Variants in ATRNL1 observed in about 807,000 individuals in gnomAD.
ATRNL1 encodes the protein attractin like 1.
A neutral mutation model predicts 182.7 loss-of-function variants in ATRNL1; 95 were observed. That is an observed-to-expected ratio of 0.52 (90% CI 0.44 to 0.62). The LOEUF is 0.62. Among genes scored for constraint, ATRNL1 ranks in the 20% least tolerant of loss-of-function variants. The pLI, the probability that ATRNL1 is intolerant of heterozygous loss-of-function variation, is 0.00. For missense variants in ATRNL1, 1,471 were observed against 1,679.5 expected, an observed-to-expected ratio of 0.88 and a Z score of 2.17; for synonymous variants, 576 against 568.3, an observed-to-expected ratio of 1.01 and a Z score of -0.19.
chr10:115,137,449 A>G (rs902009658), intron 5 of ATRNL1, among the ~76,000 whole-genome samples: 2 of 152,190 alleles, frequency 1.3e-5, no homozygotes, highest in Admixed American at 1.3e-4. Context: ...TATGCTGTTG[A>G]TAAAGACATA....
chr10:115,729,205 A>G (rs1555061769), intron 27 of ATRNL1, among the ~76,000 whole-genome samples: 1 of 152,134 alleles, frequency 6.6e-6, no homozygotes, highest in African/African-American at 2.4e-5. Flanking sequence ...TAATCATCAT[A>G]TCTTCATGTT....
intron 21 of ATRNL1, among the ~76,000 whole-genome samples, chr10:115,456,538 A>G (rs1485458823): frequency 1.3e-5 from 2 of 152,142 alleles, no homozygotes; most frequent in Non-Finnish European, 2.9e-5. Context: ...AATACAGATG[A>G]CAGGTTGATG....
intron 27 of ATRNL1, among the ~76,000 whole-genome samples, chr10:115,743,453 C>T (rs1329189642): frequency 2.0e-5 from 3 of 150,616 alleles, no homozygotes; most frequent in East Asian, 1.9e-4. Context: ...TCTTAAAGTT[C>T]GAAACAAAAG....
chr10:115,713,153 G>A (rs1947114916), intron 26 of ATRNL1, among the ~76,000 whole-genome samples: 1 of 152,110 alleles, frequency 6.6e-6, no homozygotes, highest in Non-Finnish European at 1.5e-5. Flanking sequence ...CCAATTCAGA[G>A]ACAATCTAAG....
At chr10:115,317,032 G>A (rs1854333124) in intron 18 of ATRNL1, among the ~76,000 whole-genome samples, 1 of 152,006 alleles carries the variant, frequency 6.6e-6, no homozygotes, top group Admixed American at 6.6e-5. Flanking sequence ...TTCTTCTAGG[G>A]TTTTTTATGG....
At chr10:115,357,984 C>T (rs1020967047) in intron 19 of ATRNL1, among the ~76,000 whole-genome samples, 8 of 151,554 alleles carry the variant, frequency 5.3e-5, no homozygotes, top group Non-Finnish European at 8.9e-5. Flanking sequence ...TTCCCTCTGC[C>T]AGTATATTCA....
intron 26 of ATRNL1, among the ~76,000 whole-genome samples, chr10:115,723,552 ATTTAT>A (rs1947499914): frequency 2.0e-5 from 3 of 151,084 alleles, no homozygotes; most frequent in African/African-American, 7.3e-5. Flanking sequence ...TTATTTATTT[ATTTAT>A]TTATTTTTGA....
chr10:115,413,555 GT>G (rs1484590272), intron 20 of ATRNL1, among the ~76,000 whole-genome samples: 2 of 151,966 alleles, frequency 1.3e-5, no homozygotes, highest in African/African-American at 2.4e-5. Flanking sequence ...ATGAATTCCT[GT>G]TTTTTTCCCA....
intron 26 of ATRNL1, among the ~76,000 whole-genome samples, chr10:115,713,307 G>A (rs1947120014): frequency 6.6e-6 from 1 of 152,034 alleles, no homozygotes; most frequent in Non-Finnish European, 1.5e-5. Context: ...ATACTTTCTA[G>A]ATGCTGAGAT....
At chr10:115,559,916 G>T (rs1565165654) in intron 26 of ATRNL1, among the ~76,000 whole-genome samples, 1 of 152,118 alleles carries the variant, frequency 6.6e-6, no homozygotes, top group Non-Finnish European at 1.5e-5. Context: ...TGACATAAGA[G>T]CCATCTAGAT....
intron 2 of ATRNL1, 118 bp downstream of exon 2, chr10:115,120,386 A>G (rs1844674401): frequency 3.9e-6 from 2 of 514,954 alleles, no homozygotes; most frequent in South Asian, 7.9e-5. Flanking sequence ...TTATTATTAG[A>G]TAATATTTAC....
chr10:115,792,127 T>A (rs184441235), intron 27 of ATRNL1, among the ~76,000 whole-genome samples: 6 of 152,272 alleles, frequency 3.9e-5, no homozygotes, highest in African/African-American at 1.4e-4. Flanking sequence ...CTCAATCATT[T>A]CATATACAAT....
In ATRNL1 at chr10:115,450,110, T is replaced by A. The variant is rs186779023; in HGVS notation, c.3323-11831T>A. On this transcript the variant is annotated intron_variant, in intron 21 of 28. Coordinates refer to ENST00000355044, the MANE Select transcript of ATRNL1 (RefSeq NM_207303.4). ...CTTTCTATAATTAAAAACTATAACT[T>A]AGGTATTAAAGGAACATACCTCAAA... Among the ~76,000 whole-genome samples the A allele has an allele frequency of 5.9e-5, 9 of 152,120 alleles. No individual in the cohort carries two copies. In the East Asian group the frequency reaches 1.7e-3, roughly 29 times the overall value.
chr10:115,747,405 T>G (rs1948323298), intron 27 of ATRNL1, among the ~76,000 whole-genome samples: 1 of 152,108 alleles, frequency 6.6e-6, no homozygotes, highest in Non-Finnish European at 1.5e-5. Flanking sequence ...TGGCCCCATC[T>G]TGCAGGTGGG....
At chr10:115,371,701 C>G (rs555656252) in intron 19 of ATRNL1, among the ~76,000 whole-genome samples, 2 of 152,144 alleles carry the variant, frequency 1.3e-5, no homozygotes, top group Non-Finnish European at 2.9e-5. Flanking sequence ...CTCCTTGTCT[C>G]GGATGAGACT....
At chr10:115,846,467 T>C (rs1950931044) in intron 27 of ATRNL1, among the ~76,000 whole-genome samples, 1 of 152,094 alleles carries the variant, frequency 6.6e-6, no homozygotes, top group East Asian at 1.9e-4. Context: ...TTCTTAAAAG[T>C]TTAAATATCA....
intron 8 of ATRNL1, among the ~76,000 whole-genome samples, chr10:115,205,431 G>T (rs963379586): frequency 1.3e-5 from 2 of 151,204 alleles, no homozygotes; most frequent in Non-Finnish European, 3.0e-5. Context: ...TTCCTCTTAC[G>T]ATTTCATTTT....
At chr10:115,484,680 T>A (rs1486623497) in intron 24 of ATRNL1, among the ~76,000 whole-genome samples, 1 of 151,798 alleles carries the variant, frequency 6.6e-6, no homozygotes, top group Non-Finnish European at 1.5e-5. Context: ...ACACTTAATA[T>A]TTGAATATAT....
At chr10:115,127,471 A>T in intron 3 of ATRNL1, 122 bp from the exon 4 acceptor site, 1 of 685,840 alleles carries the variant, frequency 1.5e-6, no homozygotes, top group Non-Finnish European at 2.3e-6. Flanking sequence ...TTCTCCTTTT[A>T]GTTGCCCATT....
Sources: gnomAD v4.1 joint callset for allele counts (sites outside exome capture counted in the v4.1 genomes callset) on GRCh38, gnomAD v4.1.1 for gene constraint, MANE v1.5 for transcripts, NCBI Gene and HGNC (gene_info 2026-07-23, HGNC 2026-07-21) for gene names.